TENM2: variants seen among roughly 807,000 people sequenced by gnomAD.
TENM2 encodes teneurin-2.
In TENM2, 52 loss-of-function variants were observed where a neutral mutation model predicts 245.2. The observed-to-expected ratio is 0.21, with a 90% CI of 0.17 to 0.27. TENM2 has a LOEUF of 0.27. Among genes scored for constraint, TENM2 ranks in the 10% least tolerant of loss-of-function variants. The probability of loss-of-function intolerance (pLI) is 1.00; values close to 1 mark genes in which losing one functional copy is unlikely to be tolerated. For missense variants in TENM2, 3,046 were observed against 3,666.8 expected, an observed-to-expected ratio of 0.83 and a Z score of 4.37; for synonymous variants, 1,363 against 1,438.9, an observed-to-expected ratio of 0.95 and a Z score of 1.19.
chr5:168,210,541 G>C (rs944525262), intron 19 of TENM2, among the ~76,000 whole-genome samples: 1 of 151,840 alleles, frequency 6.6e-6, no homozygotes, highest in Non-Finnish European at 1.5e-5. Flanking sequence ...GACACACCAG[G>C]CTTTGCAGAA....
the TENM2 span, among the ~76,000 whole-genome samples, chr5:167,119,090 T>A: frequency 6.6e-5 from 10 of 152,206 alleles, no homozygotes; most frequent in Admixed American, 6.5e-4. Flanking sequence ...CCTGGACAAG[T>A]TACTTGGTCC....
intron 2 of TENM2, among the ~76,000 whole-genome samples, chr5:167,484,142 C>T (rs1417836753): frequency 3.3e-5 from 5 of 152,072 alleles, no homozygotes; most frequent in Non-Finnish European, 5.9e-5. Context: ...GTCAAGAGTT[C>T]GAGACCAGCC....
intron 5 of TENM2, among the ~76,000 whole-genome samples, chr5:168,031,599 GGAAA>G (rs1208911500): frequency 6.6e-6 from 1 of 150,632 alleles, no homozygotes; most frequent in African/African-American, 2.4e-5. Flanking sequence ...GGGTCTGGGA[GGAAA>G]GAAAGAAAGA....
intron 2 of TENM2, among the ~76,000 whole-genome samples, chr5:167,683,047 A>T (rs1582741346): frequency 6.6e-6 from 1 of 152,324 alleles, no homozygotes; most frequent in Non-Finnish European, 1.5e-5. Flanking sequence ...TCAAGACATT[A>T]CTGCTTTTAA....
intron 12 of TENM2, among the ~76,000 whole-genome samples, chr5:168,133,908 A>G (rs1194141235): frequency 1.3e-5 from 2 of 152,118 alleles, no homozygotes; most frequent in East Asian, 3.9e-4. Flanking sequence ...TAATCCCAGC[A>G]CTTTGGGAAG....
intron 2 of TENM2, among the ~76,000 whole-genome samples, chr5:167,841,987 A>G (rs143507263): frequency 1.1e-4 from 16 of 152,254 alleles, no homozygotes; most frequent in Admixed American, 2.0e-4. Flanking sequence ...ACATACATGC[A>G]GTTAACTTGT....
the TENM2 span, among the ~76,000 whole-genome samples, chr5:167,188,818 G>A: frequency 6.6e-6 from 1 of 152,026 alleles, no homozygotes; most frequent in Non-Finnish European, 1.5e-5. Context: ...TTGAAAATTT[G>A]GACGATCGAG....
chr5:167,544,567 T>G (rs1562042526), intron 2 of TENM2, among the ~76,000 whole-genome samples: 2 of 152,334 alleles, frequency 1.3e-5, no homozygotes, highest in East Asian at 3.9e-4. Context: ...TCATGCTTTT[T>G]GAATGTTTAG....
At chr5:167,109,246 G>A in the TENM2 span, among the ~76,000 whole-genome samples, 14 of 135,038 alleles carry the variant, frequency 1.0e-4, no homozygotes, top group African/African-American at 3.2e-4. Context: ...TTTTTTTTAA[G>A]TAAAGAGGAC....
intron 1 of TENM2, among the ~76,000 whole-genome samples, chr5:167,370,051 A>G (rs1018880335): frequency 6.6e-6 from 1 of 152,104 alleles, no homozygotes; most frequent in Non-Finnish European, 1.5e-5. Context: ...CTCTCTAAAA[A>G]AGGCATGGAG....
intron 1 of TENM2, among the ~76,000 whole-genome samples, chr5:167,358,735 C>G (rs1023044665): frequency 6.6e-6 from 1 of 151,216 alleles, no homozygotes; most frequent in Non-Finnish European, 1.5e-5. Context: ...GCTAACTGAT[C>G]AGCATTTTCA....
intron 6 of TENM2, among the ~76,000 whole-genome samples, chr5:168,055,514 C>G (rs529841193): frequency 5.3e-5 from 8 of 152,194 alleles, no homozygotes; most frequent in Admixed American, 5.2e-4. Flanking sequence ...TGTTGTCTGC[C>G]CCTCCCAGTC....
At chr5:167,678,916 A>G (rs1298959407) in intron 2 of TENM2, among the ~76,000 whole-genome samples, 1 of 152,144 alleles carries the variant, frequency 6.6e-6, no homozygotes, top group African/African-American at 2.4e-5. Flanking sequence ...CCTTTAGGAA[A>G]ACTAAAATTT....
chr5:167,377,532 T>C (rs1482627818), intron 2 of TENM2, among the ~76,000 whole-genome samples: 1 of 152,172 alleles, frequency 6.6e-6, no homozygotes. Flanking sequence ...TTCAATATTT[T>C]ACATATTCAA....
At chr5:167,190,631 T>C in the TENM2 span, among the ~76,000 whole-genome samples, 1 of 152,170 alleles carries the variant, frequency 6.6e-6, no homozygotes, top group South Asian at 2.1e-4. Context: ...AGAACCATGG[T>C]ATCAGGAGAA....
chr5:168,024,300 C>A (rs996987857), intron 5 of TENM2, among the ~76,000 whole-genome samples: 1 of 152,164 alleles, frequency 6.6e-6, no homozygotes, highest in African/African-American at 2.4e-5. Flanking sequence ...GGAGCTCCTG[C>A]GTGCAGGGAC....
chr5:167,849,972 G>A (rs1426970954), intron 2 of TENM2, among the ~76,000 whole-genome samples: 1 of 152,070 alleles, frequency 6.6e-6, no homozygotes, highest in African/African-American at 2.4e-5. Context: ...CAGTGCAAAG[G>A]CAGGATTGAT....
Position 167,610,510 on chromosome 5 carries a change from C to A in TENM2, c.502+235037C>A, listed in dbSNP as rs140772237. 4.7e-4 allele frequency among the ~76,000 whole-genome samples: 71 copies of A among 152,186 alleles called. 1 individual carries two copies. The highest frequency in any genetic ancestry group is 1.6e-3 in the African/African-American group (68 of 41,544). ...ATTCATCTCATTAGCAAACAAAAGA[C>A]CCTCATCACTCCAGAGATTCTAAAG... On this transcript the variant is annotated intron_variant, in intron 2 of 28. Coordinates refer to ENST00000518659, the Ensembl canonical transcript of TENM2.
At chr5:167,544,252 C>T (rs774179794) in intron 2 of TENM2, among the ~76,000 whole-genome samples, 2 of 152,124 alleles carry the variant, frequency 1.3e-5, no homozygotes, top group Middle Eastern at 3.2e-3. Flanking sequence ...ATCTTCTGGA[C>T]ATGGGGCCCT....
Sources: gnomAD v4.1 joint callset for allele counts (sites outside exome capture counted in the v4.1 genomes callset) on GRCh38, gnomAD v4.1.1 for gene constraint, MANE v1.5 for transcripts, NCBI Gene and HGNC (gene_info 2026-07-23, HGNC 2026-07-21) for gene names.